Variants in DNAAF5 observed in about 807,000 individuals in gnomAD.
DNAAF5 encodes the protein dynein axonemal assembly factor 5.
Under a neutral mutation model 75.8 loss-of-function variants are expected in DNAAF5, and 64 were observed. That is an observed-to-expected ratio of 0.84 (90% CI 0.69 to 1.04). DNAAF5 has a LOEUF of 1.04. Among genes scored for constraint, DNAAF5 ranks in the 50% least tolerant of loss-of-function variants. The pLI is 0.00. For synonymous variants in DNAAF5, 657 were observed against 557.2 expected (o/e 1.18, Z -2.52); for missense variants, 1,269 against 1,178.5 (o/e 1.08, Z -1.12).
At chr7:730,273 G>A (rs547154123) in intron 2 of DNAAF5, among the ~76,000 whole-genome samples, 2 of 152,042 alleles carry the variant, frequency 1.3e-5, no homozygotes, top group African/African-American at 4.8e-5. Flanking sequence ...CCAAGAGACG[G>A]GCAGGCAGGC....
At chr7:761,070 C>T (rs996199909) in intron 6 of DNAAF5, among the ~76,000 whole-genome samples, 4 of 152,206 alleles carry the variant, frequency 2.6e-5, no homozygotes, top group African/African-American at 7.2e-5. Context: ...TGCAGTGCGC[C>T]GTCATTTCCC....
intron 2 of DNAAF5, among the ~76,000 whole-genome samples, chr7:732,239 A>G (rs1465668004): frequency 1.3e-5 from 2 of 152,196 alleles, no homozygotes; most frequent in African/African-American, 2.4e-5. Flanking sequence ...GGCAGGGGCT[A>G]ATGCATCTCC....
rs538666993 is a variant in DNAAF5 at position 751,974 on chromosome 7, C to G, written c.1025-2615C>G. Among the ~76,000 whole-genome samples, 5 of 152,292 alleles carry G rather than the reference C, an allele frequency of 3.3e-5. No individual in the cohort carries two copies. The East Asian group carries it at 7.7e-4, about 23-fold the overall frequency. ...AATTCTCGTGGGCGTGCAAAGGACC[C>G]ACAGCTGCCGAAACACTGGGGAGGA... On this transcript the variant is annotated intron_variant, in intron 4 of 12. Transcript: ENST00000297440.
rs1291708721 is a variant in DNAAF5, at chr7:774,128, C to T, written c.2012C>T (p.Ala671Val). 1.2e-6 allele frequency: 2 copies of T among 1,613,020 alleles called. No individual in the cohort carries two copies. Among genetic ancestry groups the T allele is most frequent in the East Asian group, 2.2e-5 (1 of 44,874 alleles). The part of the protein sequence containing the change: ...NLQWHAGRTA[A>V]AIRTAAVSCL... ...CAGTGGCATGCGGGGAGGACAGCCG[C>T]GGCCATCCGCACGGCTGCCGTGTCC... Residue 671 changes from alanine (A) to valine (V), a missense_variant, in exon 10 of 13, where the codon GCG becomes GTG. Coordinates refer to ENST00000297440, the MANE Select transcript of DNAAF5 (RefSeq NM_017802.4).
At chr7:742,117 G>A (rs75289830) in intron 4 of DNAAF5, among the ~76,000 whole-genome samples, 2,246 of 152,290 alleles carry the variant, frequency 0.015, 36 homozygotes, top group East Asian at 0.11. Context: ...CCACGCCGCC[G>A]GCCCACCTTG....
chr7:732,529 T>C (rs1183427010), intron 2 of DNAAF5: 1 of 456,104 alleles, frequency 2.2e-6, no homozygotes, highest in Non-Finnish European at 4.4e-6. Context: ...AAGAGAGACC[T>C]TCCGGGAGCA....
Position 754,449 on chromosome 7 carries a change from G to C in DNAAF5, c.1025-140G>C. The C allele has an allele frequency of 1.3e-6, 1 of 756,670 alleles. No individual in the cohort carries two copies. The highest frequency in any genetic ancestry group is 2.3e-6 in the Non-Finnish European group (1 of 435,108). The allele number at this position is 756,670 out of a possible 1,614,324, so 46.9% of individuals were successfully genotyped here. A position where few individuals can be genotyped will look rare whatever the true frequency, so the allele number is the denominator to read the frequency against. On this transcript the variant is annotated intron_variant, in intron 4 of 12. Transcript: ENST00000297440. This position sits in a 1 kb window ranked among gnomAD's most constrained non-coding sequence, Gnocchi z 4.8. ...GTTCTGAACGACGGGGCATTTGTCA[G>C]CTTTGCGTCCACCCCAAGACTTGTT...
rs775856269 is a variant in DNAAF5, at chr7:756,912, G to A, written c.1388G>A (p.Cys463Tyr). The A allele has an allele frequency of 1.2e-6, 2 of 1,611,156 alleles. No homozygotes were observed. Among genetic ancestry groups the A allele is most frequent in the African/African-American group, 1.3e-5 (1 of 74,934 alleles). ...GTGCTGGCCTCCGCCATGCGGGGTT[G>A]CCCCCGAGAAGCCCTCCAGCCGCAC... ...LLVLASAMRG[C>Y]PREALQPHLA... The change falls in exon 6 of 13, where the codon TGC becomes TAC. Residue 463 changes from cysteine to tyrosine, a missense_variant. Coordinates refer to ENST00000297440, the MANE Select transcript of DNAAF5 (RefSeq NM_017802.4).
intron 8 of DNAAF5, among the ~76,000 whole-genome samples, chr7:768,283 C>T (rs1320957432): frequency 1.3e-5 from 2 of 149,360 alleles, no homozygotes; most frequent in Admixed American, 6.7e-5. Context: ...GGAGGGGAGA[C>T]ACGTGGTCTG....
At position 780,474 on chromosome 7, in the gene DNAAF5, A is replaced by C. The variant is rs187704294; in HGVS notation, c.2431+330A>C. Among the ~76,000 whole-genome samples the C allele has an allele frequency of 5.6e-3, 849 of 152,388 alleles. 5 individuals are homozygous for C. Among genetic ancestry groups the C allele is most frequent in the Middle Eastern group, 0.034 (10 of 294 alleles). Reference sequence around the variant, plus strand: ...ACTTTCCAAAACAAAATCATCTGCAAGAACGATTTTTGCAAATGTCTTAAA... The same window carrying C: ...ACTTTCCAAAACAAAATCATCTGCACGAACGATTTTTGCAAATGTCTTAAA... On this transcript the variant is annotated intron_variant, in intron 12 of 12. Coordinates refer to ENST00000297440, the MANE Select transcript of DNAAF5 (RefSeq NM_017802.4).
intron 4 of DNAAF5, among the ~76,000 whole-genome samples, chr7:744,879 A>G (rs1782032002): frequency 6.6e-6 from 1 of 152,198 alleles, no homozygotes; most frequent in Non-Finnish European, 1.5e-5. Flanking sequence ...CTGGTATTAC[A>G]GAGGTGAGCC....
chr7:732,486 G>A (rs974803823), intron 2 of DNAAF5: 18 of 454,550 alleles, frequency 4.0e-5, no homozygotes, highest in African/African-American at 3.4e-4. Flanking sequence ...CTCGATGTGT[G>A]CTGCTGGTGA....
In DNAAF5 at chr7:757,122, C is replaced by T. The variant is rs548572736; in HGVS notation, c.1470+128C>T. 1.0e-4 allele frequency: 93 copies of T among 901,580 alleles called. No individual in the cohort carries two copies. The African/African-American group carries it at 1.4e-3, about 13-fold the overall frequency. 55.8% of individuals were successfully genotyped at this position (901,580 alleles called of 1,614,324 possible). On this transcript the variant is annotated intron_variant, in intron 6 of 12. Coordinates refer to ENST00000297440, the MANE Select transcript of DNAAF5 (RefSeq NM_017802.4). Reference sequence around the variant, plus strand: ...CTGGGCTGTCGGAAGCACCCAGCGACGTGTCTGTGGGTCCGCCCCGTGCCG... The same window carrying T: ...CTGGGCTGTCGGAAGCACCCAGCGATGTGTCTGTGGGTCCGCCCCGTGCCG...
intron 4 of DNAAF5, among the ~76,000 whole-genome samples, chr7:752,791 A>G (rs1475712858): frequency 6.6e-6 from 1 of 152,244 alleles, no homozygotes; most frequent in East Asian, 1.9e-4. Flanking sequence ...AAGACAAACC[A>G]AAGACTGAGA....
rs1029818969 is a variant in DNAAF5, at chr7:782,009, T to C, written c.2431+1865T>C. ...GTGGAAGCTTTGGGCCTGGATGTGCTGACTTTGCCTTTTGCCTCCTTTGGA... is the reference window on the plus strand; with the variant it reads ...GTGGAAGCTTTGGGCCTGGATGTGCCGACTTTGCCTTTTGCCTCCTTTGGA... On this transcript the variant is annotated intron_variant, in intron 12 of 12. Transcript: ENST00000297440. Among the ~76,000 whole-genome samples, 3 of 152,286 alleles carry C rather than the reference T, an allele frequency of 2.0e-5. No individual in the cohort carries two copies. In the South Asian group the frequency reaches 6.2e-4, roughly 31 times the overall value.
intron 11 of DNAAF5, among the ~76,000 whole-genome samples, chr7:778,000 G>C (rs116706401): frequency 0.01 from 1,592 of 152,280 alleles, 32 homozygotes; most frequent in African/African-American, 0.037. Flanking sequence ...GAATCTTCCA[G>C]AACTGGAGAC....
Position 770,562 on chromosome 7 carries a change from G to A in DNAAF5, c.1875G>A (p.Leu625=), listed in dbSNP as rs1014813816. Residue 625 remains leucine, a synonymous_variant, in exon 9 of 13, where the codon CTG becomes CTA. Coordinates refer to ENST00000297440, the MANE Select transcript of DNAAF5 (RefSeq NM_017802.4). ...AAGACCCGCAGATGCGCCTGAAGCTGTTCTCCATCCTGTCCACCGTGCTGC... is the reference window on the plus strand; with the variant it reads ...AAGACCCGCAGATGCGCCTGAAGCTATTCTCCATCCTGTCCACCGTGCTGC... The part of the protein sequence containing the change: ...PSQDPQMRLK[L]FSILSTVLLR... The A allele has an allele frequency of 1.9e-6, 3 of 1,613,850 alleles. No individual in the cohort carries two copies. In the African/African-American group the frequency reaches 4.0e-5, roughly 22 times the overall value.
chr7:745,550 T>C (rs1562381431), intron 4 of DNAAF5, among the ~76,000 whole-genome samples: 1 of 151,980 alleles, frequency 6.6e-6, no homozygotes, highest in East Asian at 1.9e-4. Flanking sequence ...GTCACACGCG[T>C]ACACACATCC....
At chr7:758,332 C>T (rs887151840) in intron 6 of DNAAF5, among the ~76,000 whole-genome samples, 2 of 152,266 alleles carry the variant, frequency 1.3e-5, no homozygotes, top group African/African-American at 4.8e-5. Context: ...TTCACATCTC[C>T]ATGTTGGTTA....
Sources: allele counts gnomAD v4.1 joint callset (sites outside exome capture counted in the v4.1 genomes callset), GRCh38; gene constraint gnomAD v4.1.1; non-coding constraint Gnocchi (gnomAD v3.1); transcripts MANE v1.5; gene names NCBI Gene and HGNC (gene_info 2026-07-23, HGNC 2026-07-21).